HEPH: variants seen among roughly 807,000 people sequenced by gnomAD.
HEPH encodes hephaestin.
In HEPH, 69 loss-of-function variants were observed where a neutral mutation model predicts 80.8. The ratio of observed to expected loss-of-function variants is 0.85; its 90% CI spans 0.70 to 1.04. The LOEUF (loss-of-function observed/expected upper bound fraction) is 1.04. Among genes scored for constraint, HEPH ranks in the 50% least tolerant of loss-of-function variants. HEPH has a pLI of 0.00. For synonymous variants in HEPH, 431 were observed against 322.8 expected, an observed-to-expected ratio of 1.34 and a Z score of -3.60; for missense variants, 1,115 against 891.3, an observed-to-expected ratio of 1.25 and a Z score of -3.20.
Position 66,197,699 on chromosome X carries a change from C to A in HEPH, c.1518C>A (p.Gly506=). ...TCACTACAGGCTCATCTTACCCTGG[C>A]TTGGTTGCCAAGCCCTTTGAGAAAG... ...TVYNDGSSYP[G]LVAKPFEKVT... Residue 506 remains glycine (G), a synonymous_variant, in exon 10 of 21, where the codon GGC becomes GGA. Coordinates refer to ENST00000343002, the MANE Select transcript of HEPH (RefSeq NM_001367233.3). 8.3e-7 allele frequency: 1 copy of A among 1,210,980 alleles called. No individual in the cohort carries two copies. Among genetic ancestry groups the A allele is most frequent in the Non-Finnish European group, 1.1e-6 (1 of 894,736 alleles).
chrX:66,195,828 A>T (rs1195721300), intron 9 of HEPH, among the ~76,000 whole-genome samples: 1 of 111,673 alleles, frequency 9.0e-6, no homozygotes, highest in African/African-American at 3.3e-5. Flanking sequence ...TGCATTTTGG[A>T]TTACTGTATC....
chrX:66,179,885 A>G (rs1297731396), intron 4 of HEPH, among the ~76,000 whole-genome samples: 1 of 111,315 alleles, frequency 9.0e-6, no homozygotes. Flanking sequence ...GTTTTGTCTG[A>G]TATAAGAATA....
chrX:66,173,484 A>G (rs2086677119), intron 3 of HEPH, 105 bp from the exon 4 acceptor site: 1 of 521,256 alleles, frequency 1.9e-6, no homozygotes, highest in Admixed American at 3.7e-5. Flanking sequence ...GCTACATTTT[A>G]TAAGACTGGA....
chrX:66,186,223 G>A (rs2087422866), intron 4 of HEPH, among the ~76,000 whole-genome samples: 1 of 100,358 alleles, frequency 1.0e-5, no homozygotes, highest in Non-Finnish European at 2.0e-5. Flanking sequence ...AGCTGTGGTG[G>A]GCTCCCCCCA....
intron 15 of HEPH, among the ~76,000 whole-genome samples, chrX:66,218,891 C>A (rs1456073938): frequency 4.5e-5 from 5 of 111,972 alleles, no homozygotes; most frequent in South Asian, 7.5e-4. Flanking sequence ...AACTACCAGG[C>A]CTAGGGTGTG....
downstream of HEPH, chrX:66,267,422 G>A (rs1274341629): frequency 8.9e-6 from 1 of 111,978 alleles, no homozygotes; most frequent in Admixed American, 9.4e-5. Context: ...CAGTCTCTGT[G>A]GCTTCTGTCA....
intron 15 of HEPH, among the ~76,000 whole-genome samples, chrX:66,219,525 A>T (rs1045003825): frequency 2.7e-5 from 3 of 111,830 alleles, no homozygotes; most frequent in Non-Finnish European, 3.8e-5. Context: ...TGCTGGTCTT[A>T]TTAGTGATTA....
chrX:66,266,742 AC>A lies in HEPH; in HGVS notation c.*71del, dbSNP rs1302774724. Reference sequence around the variant, plus strand: ...ACTCCCAGCAGGCCATGGACTAGTCACTAACCCCACACTCAAAGGGGCATGG... The same window carrying A: ...ACTCCCAGCAGGCCATGGACTAGTCATAACCCCACACTCAAAGGGGCATGG... On this transcript the variant is annotated 3_prime_UTR_variant, in exon 21 of 21. Coordinates refer to ENST00000343002, the MANE Select transcript of HEPH (RefSeq NM_001367233.3). 5 of 684,275 alleles carry A rather than the reference AC, an allele frequency of 7.3e-6. No homozygotes were observed. The highest frequency in any genetic ancestry group is 5.5e-5 in the Admixed American group (2 of 36,347). 56.4% of individuals were successfully genotyped at this position (684,275 alleles called of 1,213,427 possible).
intron 13 of HEPH, among the ~76,000 whole-genome samples, chrX:66,205,910 C>T (rs1056266136): frequency 1.8e-5 from 2 of 111,148 alleles, no homozygotes; most frequent in Non-Finnish European, 3.8e-5. Context: ...GACTAGAAAA[C>T]GAGGGAGGGA....
intron 15 of HEPH, among the ~76,000 whole-genome samples, chrX:66,234,396 A>G (rs2090276877): frequency 9.0e-6 from 1 of 111,521 alleles, no homozygotes. Context: ...TCATGTCTTT[A>G]TGATAGAACA....
chrX:66,189,970 T>G, intron 6 of HEPH, 32 bp downstream of exon 6: 2 of 1,148,344 alleles, frequency 1.7e-6, no homozygotes, highest in South Asian at 4.1e-5. Context: ...CATTGGGTTG[T>G]AAGAGAGAGG....
chrX:66,166,843 T>C (rs780651042), intron 1 of HEPH, among the ~76,000 whole-genome samples: 5 of 112,191 alleles, frequency 4.5e-5, no homozygotes, highest in Admixed American at 9.5e-5. Context: ...TCCTGTATGC[T>C]TAGAATGTGT....
At chrX:66,243,266 G>C (rs767304330) in intron 15 of HEPH, among the ~76,000 whole-genome samples, 31 of 111,931 alleles carry the variant, frequency 2.8e-4, no homozygotes, top group African/African-American at 9.1e-4. Context: ...CTTATAAGTG[G>C]GAGCTAAACT....
In HEPH at chrX:66,181,959, C is replaced by T. The variant is rs1363806983; in HGVS notation, c.626-6400C>T. On this transcript the variant is annotated intron_variant, in intron 4 of 20. Coordinates refer to ENST00000343002, the MANE Select transcript of HEPH (RefSeq NM_001367233.3). ...CAGCACCATTTATTAAATAGGGAAT[C>T]CTTTTCCCATTGCTTGTTTTTCTCA... Among the ~76,000 whole-genome samples the T allele has an allele frequency of 5.4e-5, 6 of 110,605 alleles. No individual in the cohort carries two copies. The East Asian group carries it at 1.7e-3, about 32-fold the overall frequency.
At chrX:66,229,416 A>T (rs1462097889) in intron 15 of HEPH, among the ~76,000 whole-genome samples, 1 of 111,484 alleles carries the variant, frequency 9.0e-6, no homozygotes, top group Non-Finnish European at 1.9e-5. Flanking sequence ...ATGCAAATGC[A>T]TAAGAATGAT....
chrX:66,164,171 G>A (rs1395376085), upstream of HEPH: 1 of 746,084 alleles, frequency 1.3e-6, no homozygotes, highest in African/African-American at 2.3e-5. Flanking sequence ...TCCTAACCAG[G>A]ATTTGTAAAA....
chrX:66,174,289 C>T (rs747615899), intron 4 of HEPH, among the ~76,000 whole-genome samples: 21 of 111,574 alleles, frequency 1.9e-4, no homozygotes, highest in Non-Finnish European at 3.6e-4. Context: ...AGTTACTTCA[C>T]TTAGAATAAT....
At chrX:66,259,657 C>G (rs1426107275) in intron 18 of HEPH, among the ~76,000 whole-genome samples, 1 of 109,458 alleles carries the variant, frequency 9.1e-6, no homozygotes, top group South Asian at 3.9e-4. Flanking sequence ...AGAAAGTCAC[C>G]TCTGTTGATT....
intron 5 of HEPH, among the ~76,000 whole-genome samples, chrX:66,189,049 A>G (rs2087649946): frequency 8.9e-6 from 1 of 112,490 alleles, no homozygotes; most frequent in South Asian, 3.7e-4. Flanking sequence ...AAAAGAAACT[A>G]AAGGCACAGA....
Sources: gnomAD v4.1 joint callset for allele counts (sites outside exome capture counted in the v4.1 genomes callset) on GRCh38, gnomAD v4.1.1 for gene constraint, MANE v1.5 for transcripts, NCBI Gene and HGNC (gene_info 2026-07-23, HGNC 2026-07-21) for gene names.